Variants in RBCK1 observed in about 807,000 individuals in gnomAD.
RBCK1 encodes the protein ranBP-type and C3HC4-type zinc finger-containing protein 1.
RBCK1 carries 44 observed loss-of-function variants against 71.1 expected under a neutral mutation model. The observed-to-expected ratio is 0.62, with a 90% CI of 0.49 to 0.80. The LOEUF (loss-of-function observed/expected upper bound fraction) is 0.80, where lower values mean the gene tolerates loss of function less well. Among genes scored for constraint, RBCK1 ranks in the 30% least tolerant of loss-of-function variants. The probability of loss-of-function intolerance (pLI) is 0.00; values close to 1 mark genes in which losing one functional copy is unlikely to be tolerated. For missense variants in RBCK1, 569 were observed against 685.0 expected, an observed-to-expected ratio of 0.83 and a Z score of 1.89; for synonymous variants, 306 against 279.7, an observed-to-expected ratio of 1.09 and a Z score of -0.94.
At chr20:410,338 A>G in intron 2 of RBCK1, 1 of 739,390 alleles carries the variant, frequency 1.4e-6, no homozygotes, top group Non-Finnish European at 2.5e-6. Flanking sequence ...GGGAGTCCAG[A>G]TAGGGAGGTT....
rs747821371 is a variant in RBCK1, at chr20:419,433, C to G, written c.547C>G (p.Arg183Gly). ...GCCCGGGGTCCCCCAGGAACCCGGA[C>G]GGGGGCAGCCAGATGCAGTGCCTGA... is the stretch of plus-strand genomic sequence containing the variant. ...PKPGVPQEPGRGQPDAVPEPP... is the reference protein window; with the variant it reads ...PKPGVPQEPGGGQPDAVPEPP... Residue 183 changes from arginine (R) to glycine (G), a missense_variant, in exon 5 of 12, where the codon CGG (arginine) becomes GGG (glycine). By Grantham distance (125) the Arg-to-Gly change is moderately radical. This residue lies in a region of RBCK1 where 358 missense variants were observed against 375.6 expected (regional missense o/e 0.95). Transcript: ENST00000356286. The G allele has an allele frequency of 1.6e-5, 26 of 1,608,538 alleles. No individual in the cohort carries two copies. The East Asian group carries it at 5.1e-4, about 32-fold the overall frequency.
At chr20:424,128 T>G (rs1260349740) in intron 8 of RBCK1, among the ~76,000 whole-genome samples, 1 of 152,224 alleles carries the variant, frequency 6.6e-6, no homozygotes, top group Non-Finnish European at 1.5e-5. Context: ...GAGTCACCAC[T>G]CCGCCAGTCT....
At position 427,497 on chromosome 20, in the gene RBCK1, G is replaced by A; in HGVS notation, c.1209+5G>A. ...GTCAACTGCCTGCTCTGCAAGGTGG[G>A]GCCTGCAGGGACTCCCCCCACCTAG... On this transcript the variant is annotated splice_donor_5th_base_variant and intron_variant, in intron 9 of 11. Coordinates refer to ENST00000356286, the MANE Select transcript of RBCK1 (RefSeq NM_031229.4). 1 of 1,612,292 alleles carries A rather than the reference G, an allele frequency of 6.2e-7. No individual in the cohort carries two copies. Among genetic ancestry groups the A allele is most frequent in the East Asian group, 2.2e-5 (1 of 44,872 alleles).
In RBCK1 at chr20:428,822, G is replaced by A; in HGVS notation, c.1309-129G>A. On this transcript the variant is annotated intron_variant, in intron 10 of 11. Coordinates refer to ENST00000356286, the MANE Select transcript of RBCK1 (RefSeq NM_031229.4). The surrounding 1 kb of genome is among the most constrained non-coding windows in gnomAD (Gnocchi z 5.7). ...AGAGGGGGTTGCTGGATGGAGCCTG[G>A]CCTGGCAGAGCCACACAGGAGAGAC... is the stretch of plus-strand genomic sequence containing the variant. 2 of 1,436,698 alleles carry A rather than the reference G, an allele frequency of 1.4e-6. No homozygotes were observed. The highest frequency in any genetic ancestry group is 5.7e-5 in the Admixed American group (2 of 35,156). 89.0% of individuals were successfully genotyped at this position (1,436,698 alleles called of 1,614,324 possible).
chr20:427,446 A>C lies in RBCK1; in HGVS notation c.1163A>C (p.Glu388Ala). 1.2e-6 allele frequency: 2 copies of C among 1,614,066 alleles called. No individual in the cohort carries two copies. The highest frequency in any genetic ancestry group is 1.7e-6 in the Non-Finnish European group (2 of 1,180,006). The change falls in exon 9 of 12, where the codon GAG becomes GCG. Residue 388 changes from glutamate (E) to alanine (A), a missense_variant. Physicochemically the swap from Glu to Ala is moderately radical, Grantham distance 107. Around this residue, in one of 2 missense-constraint regions of RBCK1, gnomAD observed 211 missense variants for 309.4 expected, o/e 0.68. Transcript: ENST00000356286. ...TGCTTCTTTGAGGATGATGTCAATGAGTTCACCTGCCCTGTGTGTTTCCAC... is the reference window on the plus strand; with the variant it reads ...TGCTTCTTTGAGGATGATGTCAATGCGTTCACCTGCCCTGTGTGTTTCCAC... ...GWCFFEDDVNEFTCPVCFHVN... is the reference protein window; with the variant it reads ...GWCFFEDDVNAFTCPVCFHVN...
At position 428,098 on chromosome 20, in the gene RBCK1, C is replaced by T. The variant is rs1438361942; in HGVS notation, c.1210-393C>T. On this transcript the variant is annotated intron_variant, in intron 9 of 11. Coordinates refer to ENST00000356286, the MANE Select transcript of RBCK1 (RefSeq NM_031229.4). This position sits in a 1 kb window ranked among gnomAD's most constrained non-coding sequence, Gnocchi z 5.7. The stretch of plus-strand genomic sequence containing the variant: ...AACAGGTCTGGAGCCTGGTCTCAGA[C>T]TCAGCCTGAGCAAGCTCAGTCTGGG... Among the ~76,000 whole-genome samples, 1 of 152,214 alleles carries T rather than the reference C, an allele frequency of 6.6e-6. No homozygotes were observed. Among genetic ancestry groups the T allele is most frequent in the African/African-American group, 2.4e-5 (1 of 41,448 alleles).
chr20:409,955 T>A lies in RBCK1; in HGVS notation c.97T>A (p.Trp33Arg). 1.2e-6 allele frequency: 2 copies of A among 1,614,166 alleles called. No individual in the cohort carries two copies. Among genetic ancestry groups the A allele is most frequent in the Non-Finnish European group, 1.7e-6 (2 of 1,180,034 alleles). Residue 33 changes from tryptophan (W) to arginine (R), a missense_variant, in exon 2 of 12, where the codon TGG becomes AGG. By Grantham distance (101) the Trp-to-Arg change is moderately radical (BLOSUM62 -3). Coordinates refer to ENST00000356286, the MANE Select transcript of RBCK1 (RefSeq NM_031229.4). Reference sequence around the variant, plus strand: ...ACAGGTGGCAATGAAGTGTGCCATCTGGCTGGCAGAGCAACGGGTGCCCCT... The same window carrying A: ...ACAGGTGGCAATGAAGTGTGCCATCAGGCTGGCAGAGCAACGGGTGCCCCT... ...DEQVAMKCAIWLAEQRVPLSV... is the reference protein window; with the variant it reads ...DEQVAMKCAIRLAEQRVPLSV...
At chr20:413,217 T>G (rs938791792) in intron 2 of RBCK1, among the ~76,000 whole-genome samples, 1 of 152,182 alleles carries the variant, frequency 6.6e-6, no homozygotes, top group Admixed American at 6.5e-5. Flanking sequence ...AAATACAAGT[T>G]CTCCAACTTT....
In RBCK1 at chr20:409,874, C is replaced by T. The variant is rs1418007614; in HGVS notation, c.23-7C>T. ...TGCTAACTGGCTCCTGCTGTACTGGCTTTCAGCAGAGGAAATGGCCCTGAG... is the reference window on the plus strand; with the variant it reads ...TGCTAACTGGCTCCTGCTGTACTGGTTTTCAGCAGAGGAAATGGCCCTGAG... On this transcript the variant is annotated splice_polypyrimidine_tract_variant and splice_region_variant and intron_variant, in intron 1 of 11. Transcript: ENST00000356286. 1 of 1,613,100 alleles carries T rather than the reference C, an allele frequency of 6.2e-7. No homozygotes were observed. The highest frequency in any genetic ancestry group is 8.5e-7 in the Non-Finnish European group (1 of 1,179,468).
chr20:420,575 G>A (rs1384652985), intron 6 of RBCK1: 3 of 977,082 alleles, frequency 3.1e-6, no homozygotes, highest in African/African-American at 1.8e-5. Context: ...GGCGCCTTCC[G>A]TGGCTACCTG....
In RBCK1 at chr20:422,901, G is replaced by T. The variant is rs572676357; in HGVS notation, c.1029+663G>T. 9.2e-5 allele frequency among the ~76,000 whole-genome samples: 14 copies of T among 151,866 alleles called. 1 individual carries two copies. In the South Asian group the frequency reaches 2.7e-3, roughly 29 times the overall value. ...GGCCTGGGTGTGTGACCACAAGTCA[G>T]ATATTTAACCTCTCTATGCCTCTAT... On this transcript the variant is annotated intron_variant, in intron 8 of 11. Transcript: ENST00000356286. This position sits in a 1 kb window ranked among gnomAD's most constrained non-coding sequence, Gnocchi z 5.0.
intron 2 of RBCK1, among the ~76,000 whole-genome samples, chr20:412,845 T>C (rs1600277470): frequency 6.6e-6 from 1 of 152,236 alleles, no homozygotes; most frequent in South Asian, 2.1e-4. Context: ...TGGTGTCATA[T>C]CTAAGAAATC....
At chr20:420,791 C>A in intron 6 of RBCK1, 80 bp from the exon 7 acceptor site, 1 of 1,317,174 alleles carries the variant, frequency 7.6e-7, no homozygotes. Flanking sequence ...CCTGACCACG[C>A]CCCCTGGCCC....
rs1215417431 is a variant in RBCK1 at position 408,541 on chromosome 20, C to T, written c.-217C>T. 3.2e-6 allele frequency: 2 copies of T among 627,568 alleles called. No individual in the cohort carries two copies. The highest frequency in any genetic ancestry group is 5.6e-6 in the Non-Finnish European group (2 of 354,916). The allele number at this position is 627,568 out of a possible 1,614,324, so 38.9% of individuals were successfully genotyped here. ...GACCTGTCTCGGCGCCCGCTGCCCT[C>T]TCACCGCCCCACGCAGGATCCCGGC... On this transcript the variant is annotated 5_prime_UTR_variant, in exon 1 of 12. Transcript: ENST00000356286.
At chr20:416,978 G>A (rs2016026320) in intron 2 of RBCK1, among the ~76,000 whole-genome samples, 2 of 152,296 alleles carry the variant, frequency 1.3e-5, no homozygotes, top group African/African-American at 4.8e-5. Context: ...CACAGAAAGA[G>A]AGCCTGTGTC....
intron 2 of RBCK1, among the ~76,000 whole-genome samples, chr20:412,218 T>C (rs1315572054): frequency 1.3e-5 from 2 of 152,190 alleles, no homozygotes; most frequent in African/African-American, 4.8e-5. Flanking sequence ...TGATTTGCAA[T>C]TTCCTAACCA....
chr20:412,603 G>A (rs546501497), intron 2 of RBCK1, among the ~76,000 whole-genome samples: 5 of 152,362 alleles, frequency 3.3e-5, no homozygotes, highest in African/African-American at 1.2e-4. Context: ...ACAGGCATGA[G>A]CCACTGCACC....
intron 8 of RBCK1, among the ~76,000 whole-genome samples, chr20:424,819 T>C (rs1568563801): frequency 6.6e-6 from 1 of 152,074 alleles, no homozygotes; most frequent in Non-Finnish European, 1.5e-5. Flanking sequence ...TCTCAGAAAA[T>C]GGTCAAGTGT....
Position 410,016 on chromosome 20 carries a change from A to C in RBCK1, c.158A>C (p.Gln53Pro), listed in dbSNP as rs1263526700. ...CTGAAGCCTGAGGTCTCCCCAACGC[A>C]GGACATCAGGTGAGGAGTGCATGGC... ...VQLKPEVSPT[Q>P]DIRLWVSVED... is the part of the protein sequence containing the mutation. Residue 53 changes from glutamine to proline, a missense_variant, in exon 2 of 12, where the codon CAG (glutamine) becomes CCG (proline). Around this residue, in one of 2 missense-constraint regions of RBCK1, gnomAD observed 358 missense variants for 375.6 expected, o/e 0.95. Coordinates refer to ENST00000356286, the MANE Select transcript of RBCK1 (RefSeq NM_031229.4). 3.1e-6 allele frequency: 5 copies of C among 1,613,820 alleles called. No homozygotes were observed. Among genetic ancestry groups the C allele is most frequent in the South Asian group, 1.1e-5 (1 of 91,072 alleles).
Sources: allele counts gnomAD v4.1 joint callset (sites outside exome capture counted in the v4.1 genomes callset), GRCh38; gene constraint gnomAD v4.1.1; regional missense constraint gnomAD v4.1.1; non-coding constraint Gnocchi (gnomAD v3.1); transcripts MANE v1.5; gene names NCBI Gene and HGNC (gene_info 2026-07-23, HGNC 2026-07-21).